The following IL17RD variants were observed in gnomAD, a reference collection of about 807,000 sequenced individuals.
The protein encoded by IL17RD is interleukin-17 receptor D.
In IL17RD, 52 loss-of-function variants were observed where a neutral mutation model predicts 80.5. That is an observed-to-expected ratio of 0.65 (90% CI 0.52 to 0.81). IL17RD has a LOEUF of 0.81. IL17RD is among the 40% of genes least tolerant of loss of function. The pLI is 0.00. For missense variants in IL17RD, 1,024 were observed against 955.1 expected, an observed-to-expected ratio of 1.07 and a Z score of -0.95; for synonymous variants, 416 against 391.8, an observed-to-expected ratio of 1.06 and a Z score of -0.73.
chr3:57,137,476 A>G (rs1707751536), intron 1 of IL17RD, among the ~76,000 whole-genome samples: 1 of 152,254 alleles, frequency 6.6e-6, no homozygotes, highest in Non-Finnish European at 1.5e-5. Flanking sequence ...AGGAAGAAAG[A>G]GGCAATGAAA....
At chr3:57,169,255 A>G, upstream of IL17RD, 1 of 519,032 alleles carries the variant, frequency 1.9e-6, no homozygotes, top group South Asian at 1.4e-5. Context: ...GATTGCCTGT[A>G]GTCCAGTCAC....
At chr3:57,141,372 T>C (rs1052037527) in intron 1 of IL17RD, among the ~76,000 whole-genome samples, 3 of 152,232 alleles carry the variant, frequency 2.0e-5, no homozygotes, top group Non-Finnish European at 4.4e-5. Flanking sequence ...ATTTCATCTT[T>C]AAAAGCTTGA....
chr3:57,099,962 A>G (rs1706788007), intron 11 of IL17RD, among the ~76,000 whole-genome samples: 1 of 152,230 alleles, frequency 6.6e-6, no homozygotes, highest in Non-Finnish European at 1.5e-5. Flanking sequence ...CTATATGGAA[A>G]AAGACTGGAA....
chr3:57,116,015 A>G (rs1707207294), intron 2 of IL17RD, among the ~76,000 whole-genome samples: 1 of 152,246 alleles, frequency 6.6e-6, no homozygotes, highest in South Asian at 2.1e-4. Flanking sequence ...AAAGGCATTC[A>G]TAACCTCTTA....
At chr3:57,169,545 A>C (rs1477121822), upstream of IL17RD, among the ~76,000 whole-genome samples, 2 of 152,208 alleles carry the variant, frequency 1.3e-5, no homozygotes, top group South Asian at 4.1e-4. Context: ...CGTGAAACAT[A>C]AAAAAAGATA....
intron 2 of IL17RD, among the ~76,000 whole-genome samples, chr3:57,118,939 C>T (rs1016307960): frequency 6.6e-6 from 1 of 152,188 alleles, no homozygotes; most frequent in Non-Finnish European, 1.5e-5. Context: ...GGCACAGTGG[C>T]TCACACCTGT....
At chr3:57,132,901 A>G (rs1223273848) in intron 1 of IL17RD, among the ~76,000 whole-genome samples, 1 of 152,210 alleles carries the variant, frequency 6.6e-6, no homozygotes, top group African/African-American at 2.4e-5. Context: ...ACTCCTGCTC[A>G]ACTGCCTTTG....
chr3:57,147,645 C>T (rs1287789176), intron 1 of IL17RD, among the ~76,000 whole-genome samples: 2 of 152,172 alleles, frequency 1.3e-5, no homozygotes, highest in African/African-American at 4.8e-5. Flanking sequence ...AGCCCAAATG[C>T]CTCATCAAAT....
chr3:57,161,724 G>A (rs1043078191), intron 1 of IL17RD, among the ~76,000 whole-genome samples: 3 of 152,216 alleles, frequency 2.0e-5, no homozygotes, highest in Admixed American at 6.5e-5. Flanking sequence ...GCAAGACAAG[G>A]GGAGGGAGAA....
intron 12 of IL17RD, among the ~76,000 whole-genome samples, chr3:57,097,004 C>CAAA (rs200974175): frequency 6.0e-5 from 6 of 100,130 alleles, no homozygotes; most frequent in African/African-American, 1.8e-4. Context: ...GACTCCATCT[C>CAAA]AAAAAAAAAA....
intron 1 of IL17RD, among the ~76,000 whole-genome samples, chr3:57,122,750 T>TTG (rs1280875919): frequency 6.7e-6 from 1 of 149,702 alleles, no homozygotes; most frequent in African/African-American, 2.5e-5. Flanking sequence ...CTTTTTTTTT[T>TTG]TTTTTTTTTT....
rs779546540 is a variant in IL17RD at position 57,098,100 on chromosome 3, G to A, written c.1603C>T (p.Arg535Trp). Residue 535 changes from arginine (R) to tryptophan (W), a missense_variant, in exon 12 of 13, where the codon CGG becomes TGG. Coordinates refer to ENST00000296318, the MANE Select transcript of IL17RD (RefSeq NM_017563.5). Reference protein sequence around the residue: ...TRQGSRRNYFRSKSGRSLYVA... With the variant: ...TRQGSRRNYFWSKSGRSLYVA... ...TATAGGGACCGGCCTGACTTGCTCC[G>A]GAAGTAGTTCCTTCTGCTGCCCTGT... The A allele has an allele frequency of 1.2e-6, 2 of 1,613,988 alleles. No homozygotes were observed. Among genetic ancestry groups the A allele is most frequent in the African/African-American group, 1.3e-5 (1 of 75,040 alleles).
intron 1 of IL17RD, among the ~76,000 whole-genome samples, chr3:57,152,475 T>C (rs892509978): frequency 2.0e-5 from 3 of 152,246 alleles, no homozygotes; most frequent in Non-Finnish European, 4.4e-5. Flanking sequence ...GGCCCAGTCC[T>C]GAAAGCTGAA....
chr3:57,115,427 C>A (rs1160605719), intron 2 of IL17RD, among the ~76,000 whole-genome samples: 1 of 152,068 alleles, frequency 6.6e-6, no homozygotes, highest in Non-Finnish European at 1.5e-5. Context: ...TCAAAGACAC[C>A]AGCAACCCCC....
intron 1 of IL17RD, among the ~76,000 whole-genome samples, chr3:57,121,939 A>C (rs570187319): frequency 1.4e-4 from 22 of 152,354 alleles, no homozygotes; most frequent in African/African-American, 5.0e-4. Flanking sequence ...CTATGCTGGC[A>C]AACAAAACAG....
intron 1 of IL17RD, among the ~76,000 whole-genome samples, chr3:57,154,813 C>CCATTT (rs1378663044): frequency 6.6e-6 from 1 of 152,128 alleles, no homozygotes; most frequent in Admixed American, 6.6e-5. Flanking sequence ...ATTAAAAAGG[C>CCATTT]AATGCCATTT....
rs1258695282 is a variant in IL17RD at position 57,093,908 on chromosome 3, GCTT to G, written c.*2482_*2484del. On this transcript the variant is annotated 3_prime_UTR_variant, in exon 13 of 13. Transcript: ENST00000296318. ...GCACTCTACCTTCAGCTACCCGCAG[GCTT>G]CTTGGTTTTCCTGGAAACCTGGACT... 4.6e-5 allele frequency: 7 copies of G among 152,202 alleles called. No homozygotes were observed. Among genetic ancestry groups the G allele is most frequent in the Non-Finnish European group, 8.8e-5 (6 of 68,048 alleles). 9.4% of individuals were successfully genotyped at this position (152,202 alleles called of 1,614,324 possible).
intron 2 of IL17RD, among the ~76,000 whole-genome samples, chr3:57,116,981 A>G (rs1280003060): frequency 6.6e-6 from 1 of 152,060 alleles, no homozygotes; most frequent in Non-Finnish European, 1.5e-5. Context: ...AGAATCAAAC[A>G]GCTCTGAAAA....
rs530710693 is a variant in IL17RD, at chr3:57,103,045, G to A, written c.868+46C>T. On this transcript the variant is annotated intron_variant, in intron 9 of 12. Transcript: ENST00000296318. Reference sequence around the variant, plus strand: ...AAGTACAGAGAGTATCACATACCTTGGTCTATAGTAGTCTAGAGCCAAATT... The same window carrying A: ...AAGTACAGAGAGTATCACATACCTTAGTCTATAGTAGTCTAGAGCCAAATT... 4 of 1,340,966 alleles carry A rather than the reference G, an allele frequency of 3.0e-6. No individual in the cohort carries two copies. The African/African-American group carries it at 4.3e-5, about 14-fold the overall frequency. 83.1% of individuals were successfully genotyped at this position (1,340,966 alleles called of 1,614,324 possible).
Sources: gnomAD v4.1 joint callset for allele counts (sites outside exome capture counted in the v4.1 genomes callset) on GRCh38, gnomAD v4.1.1 for gene constraint, MANE v1.5 for transcripts, NCBI Gene and HGNC (gene_info 2026-07-23, HGNC 2026-07-21) for gene names.